MMUT: variants seen among roughly 807,000 people sequenced by gnomAD.
MMUT encodes methylmalonyl-CoA mutase.
MMUT carries 79 observed loss-of-function variants against 79.9 expected under a neutral mutation model. That is an observed-to-expected ratio of 0.99 (90% CI 0.82 to 1.19). MMUT has a LOEUF of 1.19. Among genes scored for constraint, MMUT ranks in the 50% most tolerant of loss-of-function variants. MMUT has a pLI of 0.00. For missense variants in MMUT, 860 were observed against 917.2 expected, an observed-to-expected ratio of 0.94 and a Z score of 0.81; for synonymous variants, 273 against 295.7, an observed-to-expected ratio of 0.92 and a Z score of 0.79.
chr6:49,451,452 G>A lies in MMUT; in HGVS notation c.1332+14C>T, dbSNP rs769897792. 5.0e-6 allele frequency: 8 copies of A among 1,613,434 alleles called. No individual in the cohort carries two copies. In the East Asian group the frequency reaches 6.7e-5, roughly 13 times the overall value. ...TAAATTCTGAAAACAAAGTTGCAAA[G>A]TGGAAAAACTTACCTTTAAAGCAGC... On this transcript the variant is annotated intron_variant, in intron 6 of 12. Coordinates refer to ENST00000274813, the MANE Select transcript of MMUT (RefSeq NM_000255.4).
At chr6:49,449,929 T>A (rs917251677) in intron 6 of MMUT, among the ~76,000 whole-genome samples, 5 of 151,770 alleles carry the variant, frequency 3.3e-5, no homozygotes, top group African/African-American at 1.2e-4. Context: ...CAAACAGATA[T>A]ACTATAGAAA....
In MMUT at chr6:49,459,501, C is replaced by A. The variant is rs483352795; in HGVS notation, c.-35G>T. 2 of 1,601,326 alleles carry A rather than the reference C, an allele frequency of 1.2e-6. No individual in the cohort carries two copies. Among genetic ancestry groups the A allele is most frequent in the Non-Finnish European group, 8.5e-7 (1 of 1,179,124 alleles). On this transcript the variant is annotated 5_prime_UTR_variant, in exon 2 of 13. Coordinates refer to ENST00000274813, the MANE Select transcript of MMUT (RefSeq NM_000255.4). ...TGGAAACACCCAATAGAAATAAGAA[C>A]TGACCTAGAAAAAGAAACATAGAGT... is the stretch of plus-strand genomic sequence containing the variant.
chr6:49,443,282 G>A (rs1203340784), intron 9 of MMUT, among the ~76,000 whole-genome samples: 1 of 152,062 alleles, frequency 6.6e-6, no homozygotes, highest in Non-Finnish European at 1.5e-5. Context: ...ATATAATAAT[G>A]TCTTCCTCTA....
rs568351199 is a variant in MMUT at position 49,461,501 on chromosome 6, G to A, written c.-40+1602C>T. On this transcript the variant is annotated intron_variant, in intron 1 of 12. Transcript: ENST00000274813. Reference sequence around the variant, plus strand: ...ATAACAAAAAAGGCTGGGCATGGTGGTTCACGCCTGGAATCCCAGCACTTC... The same window carrying A: ...ATAACAAAAAAGGCTGGGCATGGTGATTCACGCCTGGAATCCCAGCACTTC... 2.0e-5 allele frequency among the ~76,000 whole-genome samples: 3 copies of A among 152,200 alleles called. No individual in the cohort carries two copies. In the South Asian group the frequency reaches 6.2e-4, roughly 32 times the overall value.
At chr6:49,435,320 C>T (rs901914392) in intron 12 of MMUT, 136 bp downstream of exon 12, 1 of 917,348 alleles carries the variant, frequency 1.1e-6, no homozygotes, top group South Asian at 1.5e-5. Context: ...ACTTTTAGAC[C>T]TTGTAGAATT....
At chr6:49,460,577 A>G (rs1275905357) in intron 1 of MMUT, among the ~76,000 whole-genome samples, 3 of 152,192 alleles carry the variant, frequency 2.0e-5, no homozygotes, top group Non-Finnish European at 4.4e-5. Context: ...AAGTCGCTTG[A>G]TCAAAATCCC....
intron 12 of MMUT, among the ~76,000 whole-genome samples, chr6:49,433,055 T>A (rs1165397702): frequency 6.6e-6 from 1 of 152,194 alleles, no homozygotes; most frequent in Non-Finnish European, 1.5e-5. Flanking sequence ...CTTGTCTCCT[T>A]CTAGTCTGTG....
rs184569940 is a variant in MMUT, at chr6:49,450,289, C to T, written c.1332+1177G>A. Among the ~76,000 whole-genome samples, 357 of 150,000 alleles carry T rather than the reference C, an allele frequency of 2.4e-3. 2 individuals carry two copies. Among genetic ancestry groups the T allele is most frequent in the African/African-American group, 8.4e-3 (344 of 40,940 alleles). On this transcript the variant is annotated intron_variant, in intron 6 of 12. Coordinates refer to ENST00000274813, the MANE Select transcript of MMUT (RefSeq NM_000255.4). ...CATCAGGATATTATTTAAGGAGGTCCGTAGCTTATGACTAGGAGTTCTAGA... is the reference window on the plus strand; with the variant it reads ...CATCAGGATATTATTTAAGGAGGTCTGTAGCTTATGACTAGGAGTTCTAGA...
chr6:49,442,327 A>G (rs1767298034), intron 9 of MMUT, among the ~76,000 whole-genome samples: 1 of 152,126 alleles, frequency 6.6e-6, no homozygotes, highest in South Asian at 2.1e-4. Context: ...ATAAGAAGTA[A>G]ATCTTTTAGC....
intron 8 of MMUT, 139 bp downstream of exon 8, chr6:49,447,531 T>C: frequency 1.6e-6 from 1 of 623,290 alleles, no homozygotes; most frequent in Non-Finnish European, 2.9e-6. Flanking sequence ...TTTAGTTCCC[T>C]TACATTTGAA....
chr6:49,449,908 G>GA (rs993113619), intron 6 of MMUT, among the ~76,000 whole-genome samples: 2 of 151,428 alleles, frequency 1.3e-5, no homozygotes, highest in African/African-American at 2.4e-5. Context: ...TAAGAACACA[G>GA]AAAAAAAAGG....
At chr6:49,441,275 T>C (rs1767266024) in intron 10 of MMUT, among the ~76,000 whole-genome samples, 1 of 152,270 alleles carries the variant, frequency 6.6e-6, no homozygotes, top group East Asian at 1.9e-4. Context: ...GTTCAATAAA[T>C]ACTGATTGTA....
intron 9 of MMUT, among the ~76,000 whole-genome samples, chr6:49,442,334 T>C (rs1210572250): frequency 5.3e-5 from 8 of 152,126 alleles, no homozygotes; most frequent in Non-Finnish European, 1.0e-4. Flanking sequence ...GTAAATCTTT[T>C]AGCATATTCC....
chr6:49,461,351 C>T (rs1481444571), intron 1 of MMUT, among the ~76,000 whole-genome samples: 1 of 152,074 alleles, frequency 6.6e-6, no homozygotes, highest in African/African-American at 2.4e-5. Context: ...ATGTGTTATG[C>T]ATAGTTTCCC....
intron 12 of MMUT, among the ~76,000 whole-genome samples, chr6:49,432,422 C>T (rs1000650403): frequency 6.6e-6 from 1 of 151,782 alleles, no homozygotes; most frequent in Non-Finnish European, 1.5e-5. Flanking sequence ...GAGTCTCGCT[C>T]TGTTGCCCAG....
At chr6:49,453,490 C>T in intron 5 of MMUT, 95 bp downstream of exon 5, 1 of 540,696 alleles carries the variant, frequency 1.8e-6, no homozygotes, top group Non-Finnish European at 3.0e-6. Flanking sequence ...TAACAGATAG[C>T]TTCTTAATTC....
At chr6:49,451,383 T>C in intron 6 of MMUT, 83 bp downstream of exon 6, 1 of 1,434,760 alleles carries the variant, frequency 7.0e-7, no homozygotes, top group Admixed American at 2.1e-5. Context: ...AATCTATAAA[T>C]CTTGACTTGT....
In MMUT at chr6:49,435,577, G is replaced by A; in HGVS notation, c.2003C>T (p.Ala668Val). ...AGCAGCGAGGGTGCTTATGCCCACA[G>A]CATGCACATCCGCATCCACAGCCTG... ...AQQAVDADVH[A>V]VGISTLAAGH... The change falls in exon 12 of 13, where the codon GCT becomes GTT. Residue 668 changes from alanine to valine, a missense_variant. Ala to Val is a moderately conservative substitution (Grantham distance 64). Coordinates refer to ENST00000274813, the MANE Select transcript of MMUT (RefSeq NM_000255.4). 6.2e-7 allele frequency: 1 copy of A among 1,614,036 alleles called. No homozygotes were observed. The highest frequency in any genetic ancestry group is 8.5e-7 in the Non-Finnish European group (1 of 1,179,984).
At chr6:49,442,060 TATTAC>T in intron 9 of MMUT, 89 bp from the exon 10 acceptor site, 2 of 1,344,066 alleles carry the variant, frequency 1.5e-6, no homozygotes, top group Non-Finnish European at 2.1e-6. Flanking sequence ...TTAAACATTT[TATTAC>T]ATAAGTAAAT....
Sources: gnomAD v4.1 joint callset for allele counts (sites outside exome capture counted in the v4.1 genomes callset) on GRCh38, gnomAD v4.1.1 for gene constraint, MANE v1.5 for transcripts, NCBI Gene and HGNC (gene_info 2026-07-23, HGNC 2026-07-21) for gene names.